The following CDON variants were observed in gnomAD, a reference collection of about 807,000 sequenced individuals.
The protein encoded by CDON is cell adhesion molecule-related/down-regulated by oncogenes.
Under a neutral mutation model 120.9 loss-of-function variants are expected in CDON, and 73 were observed. The ratio of observed to expected loss-of-function variants is 0.60; its 90% CI spans 0.50 to 0.73. The LOEUF is 0.73. Ranked by LOEUF, CDON falls within the 30% of genes least tolerant of loss-of-function variation. The probability of loss-of-function intolerance (pLI) is 0.00; values close to 1 mark genes in which losing one functional copy is unlikely to be tolerated. For missense variants in CDON, 1,470 were observed against 1,587.3 expected, an observed-to-expected ratio of 0.93 and a Z score of 1.26; for synonymous variants, 566 against 573.5, an observed-to-expected ratio of 0.99 and a Z score of 0.19.
chr11:125,996,091 G>A (rs1946773766), intron 12 of CDON, among the ~76,000 whole-genome samples: 1 of 151,640 alleles, frequency 6.6e-6, no homozygotes, highest in African/African-American at 2.4e-5. Context: ...CAACCGTGCT[G>A]AAATTCAGCA....
chr11:126,041,664 T>G (rs548251804), intron 1 of CDON, among the ~76,000 whole-genome samples: 1 of 152,220 alleles, frequency 6.6e-6, no homozygotes, highest in Non-Finnish European at 1.5e-5. Flanking sequence ...ACTAACTGGG[T>G]CAAACCACAA....
chr11:125,961,488 C>T (rs1294464422), intron 19 of CDON, among the ~76,000 whole-genome samples: 1 of 152,188 alleles, frequency 6.6e-6, no homozygotes, highest in Non-Finnish European at 1.5e-5. Context: ...ATAGATTTTC[C>T]AAAGTGTGAT....
intron 6 of CDON, among the ~76,000 whole-genome samples, chr11:126,016,052 A>G (rs1947459345): frequency 6.6e-6 from 1 of 152,256 alleles, no homozygotes; most frequent in Non-Finnish European, 1.5e-5. Flanking sequence ...GCCTCAGTCT[A>G]AATTATGCAT....
intron 1 of CDON, among the ~76,000 whole-genome samples, chr11:126,060,964 T>C (rs377691252): frequency 1.3e-5 from 2 of 152,210 alleles, no homozygotes; most frequent in Admixed American, 6.5e-5. Context: ...TTAAGTACTT[T>C]GCACAGAAGA....
intron 9 of CDON, chr11:126,005,511 T>C: frequency 1.9e-6 from 1 of 539,228 alleles, no homozygotes; most frequent in Non-Finnish European, 3.3e-6. Flanking sequence ...GGCTAAAACA[T>C]TTGAATACAC....
At chr11:126,015,216 T>C (rs762383349) in intron 7 of CDON, 25 bp downstream of exon 7, 3 of 1,611,666 alleles carry the variant, frequency 1.9e-6, no homozygotes, top group Non-Finnish European at 1.7e-6. Flanking sequence ...AAAGTTCTTA[T>C]GACTGGCACG....
chr11:126,061,697 C>T (rs1948800524), intron 1 of CDON, among the ~76,000 whole-genome samples: 1 of 152,204 alleles, frequency 6.6e-6, no homozygotes, highest in Non-Finnish European at 1.5e-5. Flanking sequence ...TTTAGTCCAA[C>T]CTCCTGTTTT....
At chr11:126,043,947 A>G (rs1247578439) in intron 1 of CDON, among the ~76,000 whole-genome samples, 2 of 152,256 alleles carry the variant, frequency 1.3e-5, no homozygotes, top group African/African-American at 2.4e-5. Context: ...CCGGAACATC[A>G]ACCAAAGACA....
chr11:125,987,652 T>C (rs2134480094), intron 15 of CDON, among the ~76,000 whole-genome samples: 1 of 152,360 alleles, frequency 6.6e-6, no homozygotes, highest in Non-Finnish European at 1.5e-5. Flanking sequence ...GCTATACTAT[T>C]ATACTATTAT....
intron 12 of CDON, among the ~76,000 whole-genome samples, chr11:125,995,262 G>A (rs1946748644): frequency 6.6e-6 from 1 of 152,172 alleles, no homozygotes; most frequent in Admixed American, 6.5e-5. Context: ...CGTGCATGGT[G>A]TTCAAGATCC....
chr11:126,041,602 T>C (rs60490638), intron 1 of CDON, among the ~76,000 whole-genome samples: 1 of 152,100 alleles, frequency 6.6e-6, no homozygotes, highest in African/African-American at 2.4e-5. Flanking sequence ...TAGTACTAAA[T>C]AGGATAACTT....
chr11:126,040,581 C>T (rs1322481907), intron 1 of CDON, among the ~76,000 whole-genome samples: 5 of 151,700 alleles, frequency 3.3e-5, no homozygotes, highest in African/African-American at 4.8e-5. Flanking sequence ...TTTGGGAGGC[C>T]GAGGTGGGCG....
chr11:126,054,546 G>A (rs943775782), intron 1 of CDON, among the ~76,000 whole-genome samples: 26 of 151,966 alleles, frequency 1.7e-4, no homozygotes, highest in African/African-American at 3.4e-4. Flanking sequence ...GAATTTTTAC[G>A]AGCAAAATCG....
Position 126,017,296 on chromosome 11 carries a change from G to T in CDON, c.720C>A (p.Thr240=), listed in dbSNP as rs1451277796. ...GGACCCCACTCACCACACACTCCAA[G>T]GTTACAGGGCTACGAGAAAGAACAG... ...ALAVLSRSPV[T]LECVVSGVPA... The change falls in exon 6 of 20, where the codon ACC becomes ACA. Residue 240 remains threonine (T), a synonymous_variant. Coordinates refer to ENST00000531738, the MANE Select transcript of CDON (RefSeq NM_001378964.1). 2 of 1,613,990 alleles carry T rather than the reference G, an allele frequency of 1.2e-6. No homozygotes were observed. Among genetic ancestry groups the T allele is most frequent in the Non-Finnish European group, 1.7e-6 (2 of 1,179,998 alleles).
intron 12 of CDON, among the ~76,000 whole-genome samples, chr11:125,996,983 C>G (rs1946806877): frequency 6.6e-6 from 1 of 152,046 alleles, no homozygotes; most frequent in Non-Finnish European, 1.5e-5. Context: ...TCAAGACCAG[C>G]CTGGGCAACA....
At chr11:125,994,191 T>C in intron 14 of CDON, 93 bp downstream of exon 14, 1 of 759,282 alleles carries the variant, frequency 1.3e-6, no homozygotes, top group Non-Finnish European at 2.4e-6. Flanking sequence ...TTCCATTTTG[T>C]ACTGTCTTAA....
intron 1 of CDON, among the ~76,000 whole-genome samples, chr11:126,036,890 G>C (rs1360873482): frequency 1.3e-5 from 2 of 152,180 alleles, no homozygotes; most frequent in African/African-American, 4.8e-5. Context: ...GGTCTCACAT[G>C]TTGCCCAAGC....
chr11:126,045,958 G>A (rs376420074), intron 1 of CDON, among the ~76,000 whole-genome samples: 2 of 151,228 alleles, frequency 1.3e-5, no homozygotes, highest in African/African-American at 4.9e-5. Flanking sequence ...CAACAAGAGC[G>A]AAACTCCGTC....
intron 3 of CDON, 75 bp from the exon 4 acceptor site, chr11:126,019,840 T>C: frequency 1.5e-6 from 2 of 1,352,672 alleles, no homozygotes; most frequent in Non-Finnish European, 2.1e-6. Flanking sequence ...ATTTACAAAT[T>C]AGAAACAACA....
Sources: gnomAD v4.1 joint callset for allele counts (sites outside exome capture counted in the v4.1 genomes callset) on GRCh38, gnomAD v4.1.1 for gene constraint, MANE v1.5 for transcripts, NCBI Gene and HGNC (gene_info 2026-07-23, HGNC 2026-07-21) for gene names.